XKR9: variants seen among roughly 807,000 people sequenced by gnomAD.
XKR9 encodes the protein XK related 9.
In XKR9, 32 loss-of-function variants were observed where a neutral mutation model predicts 32.0. The observed-to-expected ratio is 1.00, with a 90% CI of 0.76 to 1.34. XKR9 has a LOEUF of 1.34. Ranked by LOEUF, XKR9 falls within the 40% of genes most tolerant of loss-of-function variation. The probability of loss-of-function intolerance (pLI) is 0.00; values close to 1 mark genes in which losing one functional copy is unlikely to be tolerated. For missense variants in XKR9, 546 were observed against 429.7 expected, an observed-to-expected ratio of 1.27 and a Z score of -2.39; for synonymous variants, 168 against 143.4, an observed-to-expected ratio of 1.17 and a Z score of -1.22.
chr8:70,694,826 T>C (rs1234728964), intron 3 of XKR9, among the ~76,000 whole-genome samples: 1 of 152,220 alleles, frequency 6.6e-6, no homozygotes, highest in Admixed American at 6.5e-5. Flanking sequence ...TACAGGAGTC[T>C]AACATCCTAC....
At chr8:71,020,506 A>G in the XKR9 span, among the ~76,000 whole-genome samples, 1 of 152,238 alleles carries the variant, frequency 6.6e-6, no homozygotes, top group Non-Finnish European at 1.5e-5. Flanking sequence ...GTCAATAAAC[A>G]TCATCATAGT....
At chr8:70,999,058 T>C in the XKR9 span, among the ~76,000 whole-genome samples, 2 of 152,052 alleles carry the variant, frequency 1.3e-5, no homozygotes, top group African/African-American at 2.4e-5. Flanking sequence ...TGGTGAGGCT[T>C]TTTTCCTCTT....
At chr8:70,883,612 A>G in the XKR9 span, among the ~76,000 whole-genome samples, 1 of 152,148 alleles carries the variant, frequency 6.6e-6, no homozygotes, top group African/African-American at 2.4e-5. Context: ...TCTTTGAAAA[A>G]TATCATATAG....
chr8:70,961,710 C>A, the XKR9 span, among the ~76,000 whole-genome samples: 1 of 152,052 alleles, frequency 6.6e-6, no homozygotes, highest in African/African-American at 2.4e-5. Flanking sequence ...TTTCCTTATA[C>A]TTTTCTCTGT....
intron 1 of XKR9, chr8:70,670,454 G>A (rs2132089736): frequency 6.6e-6 from 1 of 151,994 alleles, no homozygotes; most frequent in East Asian, 1.9e-4. Flanking sequence ...TATGACAATT[G>A]TATGTAATCA....
At chr8:70,700,701 T>C (rs1224273495) in intron 3 of XKR9, among the ~76,000 whole-genome samples, 1 of 152,208 alleles carries the variant, frequency 6.6e-6, no homozygotes, top group Non-Finnish European at 1.5e-5. Flanking sequence ...GGAGAACCAC[T>C]GCTCTCTTCA....
chr8:70,751,393 T>C (rs966249405), intron 2 of XKR9, among the ~76,000 whole-genome samples: 2 of 152,144 alleles, frequency 1.3e-5, no homozygotes, highest in East Asian at 1.9e-4. Flanking sequence ...CCTCCCAAAT[T>C]TCTGGGATTA....
At chr8:70,810,133 C>T in the XKR9 span, among the ~76,000 whole-genome samples, 2 of 152,168 alleles carry the variant, frequency 1.3e-5, no homozygotes, top group African/African-American at 4.8e-5. Flanking sequence ...GGGGGCCAAT[C>T]TTCAACATTG....
At chr8:70,930,871 A>C in the XKR9 span, among the ~76,000 whole-genome samples, 1 of 152,158 alleles carries the variant, frequency 6.6e-6, no homozygotes, top group Non-Finnish European at 1.5e-5. Flanking sequence ...GGTATGGTTT[A>C]GAATGTTGCA....
At chr8:70,896,005 T>C in the XKR9 span, among the ~76,000 whole-genome samples, 1 of 151,968 alleles carries the variant, frequency 6.6e-6, no homozygotes, top group South Asian at 2.1e-4. Context: ...AAGACCCTAC[T>C]TTAAAAAAAG....
At chr8:70,879,235 T>C in the XKR9 span, among the ~76,000 whole-genome samples, 11 of 151,696 alleles carry the variant, frequency 7.3e-5, no homozygotes, top group African/African-American at 2.7e-4. Flanking sequence ...CTTAATATCA[T>C]AATTAAAAGA....
At chr8:71,041,818 G>A in the XKR9 span, among the ~76,000 whole-genome samples, 2,639 of 151,996 alleles carry the variant, frequency 0.017, 40 homozygotes, top group South Asian at 0.042. Context: ...TTCCCCTTCC[G>A]TCATGATTGT....
At chr8:70,732,068 G>T (rs570798473) in intron 4 of XKR9, among the ~76,000 whole-genome samples, 1 of 152,182 alleles carries the variant, frequency 6.6e-6, no homozygotes, top group African/African-American at 2.4e-5. Context: ...GCTGAACTGA[G>T]ACAGACACCC....
the XKR9 span, among the ~76,000 whole-genome samples, chr8:70,878,603 A>C: frequency 6.6e-6 from 1 of 152,218 alleles, no homozygotes; most frequent in Non-Finnish European, 1.5e-5. Context: ...AAGAAGAGCT[A>C]ACTATCCTAA....
chr8:70,986,450 G>A, the XKR9 span, among the ~76,000 whole-genome samples: 6 of 152,260 alleles, frequency 3.9e-5, no homozygotes, highest in East Asian at 1.2e-3. Context: ...CTGTGTACTA[G>A]ATGTGTTTTG....
intron 3 of XKR9, among the ~76,000 whole-genome samples, chr8:70,702,973 C>G (rs1805591419): frequency 6.6e-6 from 1 of 152,060 alleles, no homozygotes; most frequent in African/African-American, 2.4e-5. Flanking sequence ...CATTGTTTCC[C>G]TGTGAGGAAT....
intron 4 of XKR9, among the ~76,000 whole-genome samples, chr8:70,731,135 G>C (rs1806649495): frequency 6.6e-6 from 1 of 152,182 alleles, no homozygotes; most frequent in Admixed American, 6.5e-5. Context: ...GAATGACACA[G>C]AAAGACAAAT....
chr8:71,028,335 T>A, the XKR9 span, among the ~76,000 whole-genome samples: 1 of 152,184 alleles, frequency 6.6e-6, no homozygotes, highest in South Asian at 2.1e-4. Context: ...TGTAAATGGA[T>A]TTGTTTTCTT....
At chr8:70,782,327 C>T (rs897954881) in intron 2 of XKR9, among the ~76,000 whole-genome samples, 22 of 151,924 alleles carry the variant, frequency 1.4e-4, no homozygotes, top group African/African-American at 1.2e-4. Context: ...AGTGATATTA[C>T]GTTTTATGAA....
Sources: allele counts gnomAD v4.1 joint callset (sites outside exome capture counted in the v4.1 genomes callset), GRCh38; gene constraint gnomAD v4.1.1; transcripts MANE v1.5; gene names NCBI Gene and HGNC (gene_info 2026-07-23, HGNC 2026-07-21).